Variants in MTOR observed in about 807,000 individuals in gnomAD.
The protein encoded by MTOR is mechanistic target of rapamycin kinase.
Under a neutral mutation model 319.8 loss-of-function variants are expected in MTOR, and 70 were observed. The ratio of observed to expected loss-of-function variants is 0.22; its 90% CI spans 0.18 to 0.27. The LOEUF (loss-of-function observed/expected upper bound fraction) is 0.27. MTOR is among the 10% of genes least tolerant of loss of function. The pLI, the probability that MTOR is intolerant of heterozygous loss-of-function variation, is 1.00. For missense variants in MTOR, 1,890 were observed against 3,274.4 expected (o/e 0.58, Z 10.32); for synonymous variants, 1,183 against 1,211.4 (o/e 0.98, Z 0.49).
chr1:11,145,074 G>A (rs751909395), intron 32 of MTOR, 29 bp from the exon 33 acceptor site: 22 of 1,604,476 alleles, frequency 1.4e-5, no homozygotes, highest in Admixed American at 5.1e-5. Context: ...TTGGGACTGA[G>A]CTCTGGACTT....
intron 39 of MTOR, among the ~76,000 whole-genome samples, chr1:11,130,255 C>T (rs1450216192): frequency 6.6e-6 from 1 of 152,252 alleles, no homozygotes. Flanking sequence ...GCCACCCACA[C>T]ACAGGTGCAG....
chr1:11,178,202 C>T (rs947256197), intron 28 of MTOR, among the ~76,000 whole-genome samples: 1 of 152,180 alleles, frequency 6.6e-6, no homozygotes, highest in Non-Finnish European at 1.5e-5. Context: ...CTCTGGGAAT[C>T]CTAGTGCCCA....
intron 36 of MTOR, chr1:11,139,101 C>A: frequency 1.6e-6 from 1 of 610,444 alleles, no homozygotes; most frequent in Non-Finnish European, 2.8e-6. Context: ...TTGGTTTGAT[C>A]AATGGTATAC....
intron 19 of MTOR, among the ~76,000 whole-genome samples, chr1:11,227,768 C>T (rs1646893281): frequency 6.6e-6 from 1 of 152,154 alleles, no homozygotes; most frequent in Non-Finnish European, 1.5e-5. Flanking sequence ...CACTTTGCAA[C>T]CACCAGTGTG....
At chr1:11,234,075 A>C in intron 14 of MTOR, 68 bp downstream of exon 14, 1 of 1,608,994 alleles carries the variant, frequency 6.2e-7, no homozygotes, top group Non-Finnish European at 8.5e-7. Context: ...ACACTGAAAC[A>C]CTCCCATCTC....
At chr1:11,259,918 G>A (rs1201487613) in intron 1 of MTOR, among the ~76,000 whole-genome samples, 12 of 152,144 alleles carry the variant, frequency 7.9e-5, no homozygotes, top group Admixed American at 7.2e-4. Flanking sequence ...AAAAACAAAC[G>A]AAAACAAAAA....
At chr1:11,156,212 A>C (rs953072947) in intron 30 of MTOR, among the ~76,000 whole-genome samples, 12 of 151,832 alleles carry the variant, frequency 7.9e-5, no homozygotes, top group East Asian at 3.9e-4. Flanking sequence ...CTGGTCTCAA[A>C]CTCCTGACTT....
chr1:11,115,695 A>T lies in MTOR; in HGVS notation c.7017-227T>A. 2.0e-6 allele frequency: 1 copy of T among 500,064 alleles called. No homozygotes were observed. The allele number at this position is 500,064 out of a possible 1,614,324, so 31.0% of individuals were successfully genotyped here. A position where few individuals can be genotyped will look rare whatever the true frequency, so the allele number is the denominator to read the frequency against. On this transcript the variant is annotated intron_variant, in intron 50 of 57. Coordinates refer to ENST00000361445, the MANE Select transcript of MTOR (RefSeq NM_004958.4). The surrounding 1 kb of genome is among the most constrained non-coding windows in gnomAD (Gnocchi z 4.5). ...CCATGCTACGACAGCAGAGCTGACT[A>T]GTTGTGACAGAGACCAAAGGGCCCA...
chr1:11,146,748 C>T lies in MTOR; in HGVS notation c.4614G>A (p.Arg1538=). Reference sequence around the variant, plus strand: ...TATAAAATGCCCCATCATGGGTGTCCCGAGGGATCATACAGGTGTATTCTT... The same window carrying T: ...TATAAAATGCCCCATCATGGGTGTCTCGAGGGATCATACAGGTGTATTCTT... ...SMEEYTCMIP[R]DTHDGAFYRA... The change falls in exon 32 of 58, where the codon CGG becomes CGA. Residue 1538 remains arginine (R), a synonymous_variant. Coordinates refer to ENST00000361445, the MANE Select transcript of MTOR (RefSeq NM_004958.4). The T allele has an allele frequency of 6.2e-7, 1 of 1,614,092 alleles. No homozygotes were observed. Among genetic ancestry groups the T allele is most frequent in the Non-Finnish European group, 8.5e-7 (1 of 1,180,024 alleles).
In MTOR at chr1:11,129,810, G is replaced by A. The variant is rs2100424206; in HGVS notation, c.5642C>T (p.Thr1881Met). Residue 1881 changes from threonine to methionine, a missense_variant, in exon 40 of 58, where the codon ACG becomes ATG. Thr to Met is a moderately conservative substitution (Grantham distance 81). Coordinates refer to ENST00000361445, the MANE Select transcript of MTOR (RefSeq NM_004958.4). This position sits in a 1 kb window ranked among gnomAD's most constrained non-coding sequence, Gnocchi z 4.7. ...EDLSKTLLMY[T>M]VPAVQGFFRS... ...GAAGAAGCCCTGGACGGCAGGCACC[G>A]TGTACATCAGGAGGGTTTTGGACAG... is the stretch of plus-strand genomic sequence containing the variant. The A allele has an allele frequency of 2.5e-6, 4 of 1,614,156 alleles. No individual in the cohort carries two copies. The highest frequency in any genetic ancestry group is 3.4e-6 in the Non-Finnish European group (4 of 1,179,994).
intron 28 of MTOR, chr1:11,193,809 A>C: frequency 1.2e-6 from 2 of 1,609,102 alleles, no homozygotes; most frequent in East Asian, 2.2e-5. Flanking sequence ...TGACTGGACC[A>C]GTGCCACCAC....
chr1:11,260,217 A>T (rs987456767), intron 1 of MTOR, among the ~76,000 whole-genome samples: 2 of 152,226 alleles, frequency 1.3e-5, no homozygotes, highest in African/African-American at 4.8e-5. Flanking sequence ...CAGTCTAAAA[A>T]GAGAGATTAT....
intron 19 of MTOR, among the ~76,000 whole-genome samples, chr1:11,224,004 A>C (rs1234832662): frequency 6.6e-6 from 1 of 151,914 alleles, no homozygotes; most frequent in Admixed American, 6.6e-5. Context: ...ACACCATTGC[A>C]CTCCACCCTG....
intron 26 of MTOR, among the ~76,000 whole-genome samples, chr1:11,202,040 A>G (rs1305433070): frequency 6.6e-6 from 1 of 152,150 alleles, no homozygotes; most frequent in African/African-American, 2.4e-5. Flanking sequence ...TCTTGGCCTC[A>G]AGTGATCCTC....
At chr1:11,219,751 C>A (rs535894184) in intron 19 of MTOR, among the ~76,000 whole-genome samples, 23 of 151,926 alleles carry the variant, frequency 1.5e-4, no homozygotes, top group African/African-American at 5.1e-4. Context: ...AGGCTGGGCA[C>A]GGTGGCTCAT....
At chr1:11,215,159 T>A (rs910463974) in intron 20 of MTOR, among the ~76,000 whole-genome samples, 32 of 152,180 alleles carry the variant, frequency 2.1e-4, no homozygotes, top group African/African-American at 7.0e-4. Flanking sequence ...TCATATTGTA[T>A]CCTTGTTTAG....
intron 14 of MTOR, among the ~76,000 whole-genome samples, chr1:11,233,725 C>T (rs980680707): frequency 6.6e-6 from 1 of 152,168 alleles, no homozygotes; most frequent in African/African-American, 2.4e-5. Flanking sequence ...CTCATGTCTC[C>T]TCTAAACCGA....
chr1:11,169,312 G>C (rs1300716912), intron 28 of MTOR, among the ~76,000 whole-genome samples: 2 of 152,168 alleles, frequency 1.3e-5, no homozygotes, highest in Non-Finnish European at 2.9e-5. Context: ...CCTAAGAGTG[G>C]GAAGGGAGAG....
intron 16 of MTOR, among the ~76,000 whole-genome samples, chr1:11,231,903 A>G (rs1182502850): frequency 6.6e-6 from 1 of 150,520 alleles, no homozygotes; most frequent in Non-Finnish European, 1.5e-5. Flanking sequence ...TTTTTTTTTT[A>G]GTAGAGACAA....
Sources: allele counts gnomAD v4.1 joint callset (sites outside exome capture counted in the v4.1 genomes callset), GRCh38; gene constraint gnomAD v4.1.1; non-coding constraint Gnocchi (gnomAD v3.1); transcripts MANE v1.5; gene names NCBI Gene and HGNC (gene_info 2026-07-23, HGNC 2026-07-21).